Variants in MTMR2 observed in about 807,000 individuals in gnomAD.
The protein encoded by MTMR2 is phosphatidylinositol-3,5-bisphosphate 3-phosphatase MTMR2.
In MTMR2, 55 loss-of-function variants were observed where a neutral mutation model predicts 86.9. The observed-to-expected ratio is 0.63, with a 90% confidence interval of 0.51 to 0.79. The LOEUF (loss-of-function observed/expected upper bound fraction) is 0.79. Ranked by LOEUF, MTMR2 falls within the 30% of genes least tolerant of loss-of-function variation. MTMR2 has a pLI of 0.00. For synonymous variants in MTMR2, 241 were observed against 266.8 expected, an observed-to-expected ratio of 0.90 and a Z score of 0.94; for missense variants, 659 against 772.3, an observed-to-expected ratio of 0.85 and a Z score of 1.74.
chr11:95,834,515 A>G lies in MTMR2; in HGVS notation c.*775T>C, dbSNP rs562092335. The G allele has an allele frequency of 3.3e-5, 5 of 152,116 alleles. No homozygotes were observed. Among genetic ancestry groups the G allele is most frequent in the Non-Finnish European group, 7.4e-5 (5 of 68,020 alleles). 9.4% of individuals were successfully genotyped at this position (152,116 alleles called of 1,614,324 possible). A position where few individuals can be genotyped will look rare whatever the true frequency, so the allele number is the denominator to read the frequency against. ...ACACAAGACAAGTGAAATACACTGT[A>G]GTAAATAATTAGTTTTTAAAATATC... On this transcript the variant is annotated 3_prime_UTR_variant, in exon 15 of 15. Transcript: ENST00000346299.
chr11:95,861,944 C>G (rs748029410), intron 5 of MTMR2, 48 bp downstream of exon 5: 6 of 1,354,844 alleles, frequency 4.4e-6, no homozygotes, highest in Middle Eastern at 1.8e-4. Context: ...CTATTTAATA[C>G]AAAGCTTTTC....
chr11:95,863,466 G>A (rs377011726), intron 3 of MTMR2, among the ~76,000 whole-genome samples: 4 of 151,918 alleles, frequency 2.6e-5, no homozygotes, highest in Admixed American at 6.6e-5. Flanking sequence ...TTTTTAAATC[G>A]TTTCGAATGC....
chr11:95,863,972 A>G lies in MTMR2; in HGVS notation c.263-1606T>C, dbSNP rs187135165. ...AGAGTCCAGAAAAGAAAAAAAGAGC[A>G]GTCTAGTACGACAACCAGATTTCTG... On this transcript the variant is annotated intron_variant, in intron 3 of 14. Transcript: ENST00000346299. 4.2e-3 allele frequency among the ~76,000 whole-genome samples: 637 copies of G among 152,322 alleles called. 1 individual carries two copies. The highest frequency in any genetic ancestry group is 0.014 in the African/African-American group (588 of 41,588).
At chr11:95,917,412 C>T (rs1195463111) in intron 1 of MTMR2, among the ~76,000 whole-genome samples, 1 of 152,166 alleles carries the variant, frequency 6.6e-6, no homozygotes, top group Non-Finnish European at 1.5e-5. Context: ...TTATCTCCTT[C>T]CCCTGGGCAT....
At chr11:95,906,226 AAAAC>A (rs1028055468) in intron 1 of MTMR2, among the ~76,000 whole-genome samples, 5 of 152,210 alleles carry the variant, frequency 3.3e-5, no homozygotes, top group South Asian at 2.1e-4. Flanking sequence ...CTCTGTCTCA[AAAAC>A]AAACAAACAA....
At chr11:95,842,026 A>T (rs1421504566) in intron 11 of MTMR2, among the ~76,000 whole-genome samples, 7 of 152,210 alleles carry the variant, frequency 4.6e-5, no homozygotes, top group African/African-American at 1.7e-4. Flanking sequence ...CCAAAAGTAC[A>T]GGACTACAGT....
intron 1 of MTMR2, among the ~76,000 whole-genome samples, chr11:95,911,478 CAG>C (rs1351358376): frequency 2.6e-5 from 4 of 152,194 alleles, no homozygotes; most frequent in Non-Finnish European, 4.4e-5. Context: ...CCCTGGGAGA[CAG>C]GGGTGAGGAC....
chr11:95,879,349 A>G (rs1865240297), intron 2 of MTMR2, among the ~76,000 whole-genome samples: 1 of 152,090 alleles, frequency 6.6e-6, no homozygotes, highest in Non-Finnish European at 1.5e-5. Context: ...TGAACCACAT[A>G]TTGTCACCAG....
rs145394232 is a variant in MTMR2, at chr11:95,833,464, G to A, written c.*1826C>T. On this transcript the variant is annotated 3_prime_UTR_variant, in exon 15 of 15. Transcript: ENST00000346299. Reference sequence around the variant, plus strand: ...TCCCTCCCTCCCACACACACCAGTGGTATATATTAAATGCCCAAGTGCATG... The same window carrying A: ...TCCCTCCCTCCCACACACACCAGTGATATATATTAAATGCCCAAGTGCATG... 6.6e-6 allele frequency: 1 copy of A among 152,022 alleles called. No homozygotes were observed. The highest frequency in any genetic ancestry group is 1.5e-5 in the Non-Finnish European group (1 of 67,958). 9.4% of individuals were successfully genotyped at this position (152,022 alleles called of 1,614,324 possible).
intron 2 of MTMR2, among the ~76,000 whole-genome samples, chr11:95,871,858 A>C (rs917504334): frequency 6.6e-6 from 1 of 152,114 alleles, no homozygotes; most frequent in African/African-American, 2.4e-5. Flanking sequence ...TAGGGTTTTT[A>C]TGGTTTTAGG....
intron 5 of MTMR2, among the ~76,000 whole-genome samples, chr11:95,860,044 A>C (rs569306527): frequency 3.3e-5 from 5 of 152,324 alleles, no homozygotes; most frequent in Middle Eastern, 3.4e-3. Context: ...TGTTCCATGG[A>C]AAGAAATTAT....
At chr11:95,918,173 A>G (rs1035283645) in intron 1 of MTMR2, among the ~76,000 whole-genome samples, 1 of 152,228 alleles carries the variant, frequency 6.6e-6, no homozygotes, top group Non-Finnish European at 1.5e-5. Context: ...ATTGCATTAC[A>G]AAAGGCACCA....
At chr11:95,852,356 G>A (rs185700719) in intron 7 of MTMR2, among the ~76,000 whole-genome samples, 7 of 152,118 alleles carry the variant, frequency 4.6e-5, no homozygotes, top group South Asian at 2.1e-4. Context: ...ATTTACTATC[G>A]TATTCACTAA....
chr11:95,905,836 G>C (rs1282011151), intron 1 of MTMR2, among the ~76,000 whole-genome samples: 1 of 151,728 alleles, frequency 6.6e-6, no homozygotes, highest in Non-Finnish European at 1.5e-5. Flanking sequence ...AAAATAAGGA[G>C]ATAATATATA....
At chr11:95,900,050 T>C (rs1160913996) in intron 1 of MTMR2, among the ~76,000 whole-genome samples, 2 of 152,122 alleles carry the variant, frequency 1.3e-5, no homozygotes, top group Non-Finnish European at 2.9e-5. Flanking sequence ...TAATAAGTTA[T>C]TGTATTAGAG....
intron 7 of MTMR2, among the ~76,000 whole-genome samples, chr11:95,853,581 T>C (rs575285505): frequency 6.6e-6 from 1 of 152,292 alleles, no homozygotes; most frequent in Admixed American, 6.5e-5. Flanking sequence ...TGGTCTAGTC[T>C]ATATCAAACG....
At chr11:95,862,893 T>G (rs1484329083) in intron 3 of MTMR2, among the ~76,000 whole-genome samples, 1 of 152,148 alleles carries the variant, frequency 6.6e-6, no homozygotes, top group African/African-American at 2.4e-5. Flanking sequence ...TGACACACAT[T>G]TAAAATATAA....
At chr11:95,874,762 C>T (rs1254686) in intron 2 of MTMR2, among the ~76,000 whole-genome samples, 42,706 of 151,984 alleles carry the variant, frequency 0.28, 10,775 homozygotes, top group African/African-American at 0.68. Context: ...TTAGTGTTTC[C>T]TTCAGGAGCG....
chr11:95,916,472 T>A (rs1032406467), intron 1 of MTMR2, among the ~76,000 whole-genome samples: 2 of 152,102 alleles, frequency 1.3e-5, no homozygotes, highest in Non-Finnish European at 2.9e-5. Flanking sequence ...CCAACAATAA[T>A]TTTGGTTCAT....
Sources: gnomAD v4.1 joint callset for allele counts (sites outside exome capture counted in the v4.1 genomes callset) on GRCh38, gnomAD v4.1.1 for gene constraint, MANE v1.5 for transcripts, NCBI Gene and HGNC (gene_info 2026-07-23, HGNC 2026-07-21) for gene names.